ATF6: variants seen among roughly 807,000 people sequenced by gnomAD.
ATF6 encodes the protein cyclic AMP-dependent transcription factor ATF-6 alpha.
ATF6 carries 53 observed loss-of-function variants against 83.6 expected under a neutral mutation model. The ratio of observed to expected loss-of-function variants is 0.63; its 90% CI spans 0.51 to 0.80. The LOEUF (loss-of-function observed/expected upper bound fraction) is 0.80. Among genes scored for constraint, ATF6 ranks in the 30% least tolerant of loss-of-function variants. The pLI is 0.00. For synonymous variants in ATF6, 288 were observed against 285.8 expected (o/e 1.01, Z -0.08); for missense variants, 744 against 797.9 (o/e 0.93, Z 0.81).
At chr1:161,768,988 G>C (rs561754028) in intron 1 of ATF6, among the ~76,000 whole-genome samples, 6 of 152,336 alleles carry the variant, frequency 3.9e-5, no homozygotes, top group Admixed American at 3.9e-4. Context: ...ACTCAGAACA[G>C]CCTGTGAGGG....
chr1:161,889,443 T>A (rs1282313255), intron 14 of ATF6, among the ~76,000 whole-genome samples: 2 of 152,234 alleles, frequency 1.3e-5, no homozygotes, highest in Non-Finnish European at 2.9e-5. Context: ...GTAAGCACAC[T>A]CTCAGAGTCA....
intron 14 of ATF6, among the ~76,000 whole-genome samples, chr1:161,879,381 T>G (rs1339302540): frequency 3.3e-5 from 5 of 152,084 alleles, no homozygotes; most frequent in African/African-American, 1.2e-4. Context: ...AAGTCAAATC[T>G]CTGCAACAGA....
At chr1:161,945,098 T>G (rs1688724358) in intron 15 of ATF6, among the ~76,000 whole-genome samples, 2 of 152,236 alleles carry the variant, frequency 1.3e-5, no homozygotes, top group African/African-American at 4.8e-5. Context: ...ATACCAGCTC[T>G]TAAATACACA....
intron 15 of ATF6, among the ~76,000 whole-genome samples, chr1:161,926,267 A>G (rs1688306930): frequency 6.6e-6 from 1 of 152,214 alleles, no homozygotes; most frequent in Admixed American, 6.5e-5. Flanking sequence ...GTGTGTAACA[A>G]ATTACTCCAA....
At chr1:161,908,266 T>C (rs1687916941) in intron 14 of ATF6, among the ~76,000 whole-genome samples, 1 of 152,194 alleles carries the variant, frequency 6.6e-6, no homozygotes, top group East Asian at 1.9e-4. Flanking sequence ...TGAGTTACCA[T>C]AATTAATTTC....
chr1:161,942,373 TG>T (rs768155547), intron 15 of ATF6, among the ~76,000 whole-genome samples: 3 of 152,228 alleles, frequency 2.0e-5, no homozygotes, highest in Non-Finnish European at 2.9e-5. Context: ...GCTCTTTTCC[TG>T]TGCTCCAGAA....
chr1:161,906,067 T>C (rs1454627513), intron 14 of ATF6, among the ~76,000 whole-genome samples: 2 of 152,182 alleles, frequency 1.3e-5, no homozygotes, highest in Non-Finnish European at 2.9e-5. Flanking sequence ...TCTCCTGACC[T>C]CATGATCCAT....
chr1:161,871,699 A>G (rs1046045311), intron 14 of ATF6, among the ~76,000 whole-genome samples: 9 of 151,600 alleles, frequency 5.9e-5, no homozygotes, highest in African/African-American at 1.4e-4. Flanking sequence ...TCTAGCCCCA[A>G]TGTTGCCACT....
At chr1:161,880,135 T>A (rs1055334967) in intron 14 of ATF6, among the ~76,000 whole-genome samples, 1 of 152,130 alleles carries the variant, frequency 6.6e-6, no homozygotes, top group Non-Finnish European at 1.5e-5. Context: ...GAATCTAATT[T>A]TCTGTTATAT....
chr1:161,929,803 G>A (rs1372141811), intron 15 of ATF6, among the ~76,000 whole-genome samples: 1 of 152,190 alleles, frequency 6.6e-6, no homozygotes, highest in African/African-American at 2.4e-5. Context: ...GTTAGTGAAA[G>A]GCTAGGTGAT....
chr1:161,915,029 C>G lies in ATF6; in HGVS notation c.1804+2649C>G, dbSNP rs140420304. 3.8e-3 allele frequency among the ~76,000 whole-genome samples: 577 copies of G among 152,242 alleles called. 6 individuals are homozygous for G. The highest frequency in any genetic ancestry group is 0.013 in the African/African-American group (532 of 41,546). ...ACTAGTAAATTCACTTTCCCTCTCT[C>G]TGAAAAAAAGAATTTCTCACCTTCT... On this transcript the variant is annotated intron_variant, in intron 15 of 15. Coordinates refer to ENST00000367942, the MANE Select transcript of ATF6 (RefSeq NM_007348.4).
intron 9 of ATF6, among the ~76,000 whole-genome samples, chr1:161,837,237 A>G (rs185030203): frequency 5.5e-4 from 84 of 152,326 alleles, no homozygotes; most frequent in African/African-American, 2.0e-3. Flanking sequence ...ATTATTATAT[A>G]TTGCTTAGAC....
At chr1:161,824,859 C>T (rs1355313759) in intron 9 of ATF6, among the ~76,000 whole-genome samples, 1 of 152,050 alleles carries the variant, frequency 6.6e-6, no homozygotes, top group Non-Finnish European at 1.5e-5. Flanking sequence ...AATAAAAGTA[C>T]AGTCTAGTAA....
chr1:161,907,639 C>G lies in ATF6; in HGVS notation c.1720-4657C>G, dbSNP rs1039206412. Among the ~76,000 whole-genome samples, 21 of 152,300 alleles carry G rather than the reference C, an allele frequency of 1.4e-4. 2 individuals carry two copies. The South Asian group carries it at 3.1e-3, about 23-fold the overall frequency. ...AACCTTGAGCCAGAGTTTTCTAATACAGTAGAAGCCATCTTATCTATATAG... is the reference window on the plus strand; with the variant it reads ...AACCTTGAGCCAGAGTTTTCTAATAGAGTAGAAGCCATCTTATCTATATAG... On this transcript the variant is annotated intron_variant, in intron 14 of 15. Coordinates refer to ENST00000367942, the MANE Select transcript of ATF6 (RefSeq NM_007348.4).
Position 161,784,093 on chromosome 1 carries a change from TC to T in ATF6, c.353del (p.Pro118LeufsTer31), listed in dbSNP as rs797045171. On this transcript the variant is annotated frameshift_variant and splice_region_variant, in exon 4 of 16. Coordinates refer to ENST00000367942, the MANE Select transcript of ATF6 (RefSeq NM_007348.4). LOFTEE classifies it high-confidence loss of function. ...ACTCTTATTCTTCAACTCAGCATGT[TC>T]CTGTGAGTAGCCAGTCTTTTACAAT... ...VDSYSSTQHV[P>X]EELDLSSSSQ... The T allele has an allele frequency of 6.2e-7, 1 of 1,603,854 alleles. No homozygotes were observed. Among genetic ancestry groups the T allele is most frequent in the Non-Finnish European group, 8.5e-7 (1 of 1,171,366 alleles).
chr1:161,816,192 C>T (rs527678111), intron 7 of ATF6, among the ~76,000 whole-genome samples: 1 of 152,158 alleles, frequency 6.6e-6, no homozygotes, highest in Non-Finnish European at 1.5e-5. Flanking sequence ...AGGCAAGATG[C>T]CTGGTGGGAG....
At chr1:161,920,294 C>CTCTTTTTTTTT (rs1157916734) in intron 15 of ATF6, among the ~76,000 whole-genome samples, 6 of 54,840 alleles carry the variant, frequency 1.1e-4, no homozygotes, top group African/African-American at 2.2e-4. Flanking sequence ...CTCTCTCTCT[C>CTCTTTTTTTTT]TTTTTTTTTT....
intron 9 of ATF6, among the ~76,000 whole-genome samples, chr1:161,823,569 A>G (rs1460542253): frequency 6.6e-6 from 1 of 152,082 alleles, no homozygotes; most frequent in Non-Finnish European, 1.5e-5. Flanking sequence ...GTTTTATCTC[A>G]CTGACTTCAG....
chr1:161,791,058 T>TTGTG (rs1684862962), intron 4 of ATF6, among the ~76,000 whole-genome samples: 1 of 120,738 alleles, frequency 8.3e-6, no homozygotes, highest in Non-Finnish European at 1.8e-5. Flanking sequence ...GAACCAAGTT[T>TTGTG]TATATGTGTG....
Sources: allele counts gnomAD v4.1 joint callset (sites outside exome capture counted in the v4.1 genomes callset), GRCh38; gene constraint gnomAD v4.1.1; transcripts MANE v1.5; gene names NCBI Gene and HGNC (gene_info 2026-07-23, HGNC 2026-07-21).